PCBP2: variants seen among roughly 807,000 people sequenced by gnomAD.
PCBP2 encodes poly(rC)-binding protein 2.
A neutral mutation model predicts 50.1 loss-of-function variants in PCBP2; 4 were observed. The observed-to-expected ratio is 0.08, with a 90% CI of 0.04 to 0.18. The LOEUF (loss-of-function observed/expected upper bound fraction) is 0.18, where lower values mean the gene tolerates loss of function less well. Among genes scored for constraint, PCBP2 ranks in the 10% least tolerant of loss-of-function variants. The pLI, the probability that PCBP2 is intolerant of heterozygous loss-of-function variation, is 1.00. For synonymous variants in PCBP2, 179 were observed against 168.0 expected (o/e 1.07, Z -0.51); for missense variants, 161 against 474.3 (o/e 0.34, Z 6.14).
intron 2 of PCBP2, 34 bp from the exon 3 acceptor site, chr12:53,455,313 T>C (rs1940921263): frequency 6.3e-7 from 1 of 1,598,626 alleles, no homozygotes. Context: ...ACTTCTGAGT[T>C]TCCTCTTACT....
At chr12:53,479,287 A>T in intron 14 of PCBP2, 119 bp from the exon 15 acceptor site, 3 of 854,100 alleles carry the variant, frequency 3.5e-6, no homozygotes, top group Non-Finnish European at 5.9e-6. Flanking sequence ...GAAACCTTAA[A>T]ATGTCTCCCT....
At chr12:53,464,994 C>A in intron 9 of PCBP2, 142 bp downstream of exon 9, 1 of 1,070,862 alleles carries the variant, frequency 9.3e-7, no homozygotes, top group Non-Finnish European at 1.2e-6. Context: ...CTGACCCCCC[C>A]AACCTCATTT....
At chr12:53,456,140 TC>T in intron 5 of PCBP2, 139 bp downstream of exon 5, 1 of 658,436 alleles carries the variant, frequency 1.5e-6, no homozygotes, top group Non-Finnish European at 2.7e-6. Flanking sequence ...TCCTGTAGCC[TC>T]CCACAAAATT....
chr12:53,454,160 T>G (rs1940810879), intron 1 of PCBP2, among the ~76,000 whole-genome samples: 1 of 152,218 alleles, frequency 6.6e-6, no homozygotes, highest in Non-Finnish European at 1.5e-5. Context: ...TAATGCCTTT[T>G]CAGTGAGGGT....
At chr12:53,469,255 T>G (rs1245649234) in intron 13 of PCBP2, among the ~76,000 whole-genome samples, 1 of 152,100 alleles carries the variant, frequency 6.6e-6, no homozygotes, top group Non-Finnish European at 1.5e-5. Flanking sequence ...ATTTTATTAT[T>G]TTATCTTTAT....
chr12:53,467,893 A>T (rs898472719), intron 12 of PCBP2, 50 bp downstream of exon 12: 4 of 1,348,590 alleles, frequency 3.0e-6, no homozygotes, highest in Non-Finnish European at 4.3e-6. Flanking sequence ...TTATATTAAT[A>T]AACTGGTGGG....
chr12:53,471,529 T>C (rs1942234350), intron 13 of PCBP2, 109 bp from the exon 14 acceptor site: 1 of 1,023,502 alleles, frequency 9.8e-7, no homozygotes, highest in African/African-American at 2.0e-5. Context: ...ATCAGGCCAC[T>C]GCACTCCAGC....
At chr12:53,474,462 T>G (rs893688816) in intron 14 of PCBP2, among the ~76,000 whole-genome samples, 1 of 152,230 alleles carries the variant, frequency 6.6e-6, no homozygotes. Context: ...TGTGGGATAA[T>G]TGATTTTCTG....
intron 1 of PCBP2, among the ~76,000 whole-genome samples, chr12:53,453,742 A>G (rs1940761226): frequency 6.6e-6 from 1 of 152,190 alleles, no homozygotes. Context: ...ATTAGGTGCT[A>G]AAGGAGGTAT....
chr12:53,456,088 A>G, intron 5 of PCBP2, 87 bp downstream of exon 5: 2 of 821,406 alleles, frequency 2.4e-6, no homozygotes, highest in Non-Finnish European at 4.2e-6. Flanking sequence ...AAATTCAAGG[A>G]CACACTGGAC....
chr12:53,467,178 C>G, intron 10 of PCBP2, 43 bp from the exon 11 acceptor site: 2 of 1,504,354 alleles, frequency 1.3e-6, no homozygotes, highest in Non-Finnish European at 9.2e-7. Flanking sequence ...AGCCCTGGCT[C>G]TGTTAAATCT....
At position 53,468,917 on chromosome 12, in the gene PCBP2, C is replaced by CTTTTTTTTTTTT. The variant is rs5798266; in HGVS notation, c.882+93_882+104dup. On this transcript the variant is annotated intron_variant, in intron 13 of 14. Transcript: ENST00000546463. ...GTCGTTTCAGCAGTGTCCTGCTACC[C>CTTTTTTTTTTTT]TTTTTTTTTTTTTTTTTTTAAACAG... The CTTTTTTTTTTTT allele has an allele frequency of 1.2e-5, 7 of 574,574 alleles. No individual in the cohort carries two copies. In the African/African-American group the frequency reaches 1.3e-4, roughly 11 times the overall value. 35.6% of individuals were successfully genotyped at this position (574,574 alleles called of 1,614,324 possible).
In PCBP2 at chr12:53,481,108, C is replaced by CATAT. The variant is rs146607300; in HGVS notation, c.*1679_*1682dup. 1.1e-4 allele frequency: 66 copies of CATAT among 580,696 alleles called. No homozygotes were observed. The highest frequency in any genetic ancestry group is 1.2e-4 in the Non-Finnish European group (50 of 428,850). The allele number at this position is 580,696 out of a possible 1,614,324, so 36.0% of individuals were successfully genotyped here. On this transcript the variant is annotated 3_prime_UTR_variant, in exon 15 of 15. Coordinates refer to ENST00000546463, the MANE Select transcript of PCBP2 (RefSeq NM_031989.5). Reference sequence around the variant, plus strand: ...CCATCTTTCTGTTGATTATGTGGCGCATATATATATATATATGTATATATA... The same window carrying CATAT: ...CCATCTTTCTGTTGATTATGTGGCGCATATATATATATATATATATGTATATATA...
rs888183693 is a variant in PCBP2, at chr12:53,463,985, C to T, written c.580-775C>T. Among the ~76,000 whole-genome samples, 10 of 152,112 alleles carry T rather than the reference C, an allele frequency of 6.6e-5. No homozygotes were observed. In the South Asian group the frequency reaches 2.1e-3, roughly 32 times the overall value. On this transcript the variant is annotated intron_variant, in intron 8 of 14. Transcript: ENST00000546463. ...GGTTTCACAGGAAGGTCGGTTATGT[C>T]ACAGTGTTAACCTTGAGTCAGTTTA...
intron 14 of PCBP2, among the ~76,000 whole-genome samples, chr12:53,474,687 AT>A (rs1379177607): frequency 6.6e-6 from 1 of 152,136 alleles, no homozygotes; most frequent in East Asian, 1.9e-4. Context: ...AAATATACAT[AT>A]TTAGAGGGTG....
rs749400833 is a variant in PCBP2 at position 53,462,539 on chromosome 12, G to A, written c.551G>A (p.Ser184Asn). Residue 184 changes from serine (S) to asparagine (N), a missense_variant, in exon 8 of 15, where the codon AGC becomes AAC. By Grantham distance (46) the Ser-to-Asn change is conservative. Coordinates refer to ENST00000546463, the MANE Select transcript of PCBP2 (RefSeq NM_031989.5). ...VTIPYRPKPS[S>N]SPVIFAGGQD... ...ATCCCGTACCGGCCCAAGCCGTCCAGCTCTCCGGTCATCTTTGCAGGTGGT... is the reference window on the plus strand; with the variant it reads ...ATCCCGTACCGGCCCAAGCCGTCCAACTCTCCGGTCATCTTTGCAGGTGGT... 1 of 1,613,456 alleles carries A rather than the reference G, an allele frequency of 6.2e-7. No homozygotes were observed. The highest frequency in any genetic ancestry group is 1.3e-5 in the African/African-American group (1 of 74,908).
intron 9 of PCBP2, among the ~76,000 whole-genome samples, chr12:53,465,636 T>G (rs1308106894): frequency 6.6e-6 from 1 of 152,186 alleles, no homozygotes; most frequent in Non-Finnish European, 1.5e-5. Flanking sequence ...GTCGAGGCAT[T>G]GCTAATCTCA....
intron 14 of PCBP2, among the ~76,000 whole-genome samples, chr12:53,477,900 A>G (rs1169602546): frequency 6.6e-6 from 1 of 152,168 alleles, no homozygotes; most frequent in African/African-American, 2.4e-5. Context: ...TAATCAGTTT[A>G]AAATCTTATG....
At chr12:53,458,824 A>T (rs1229032581) in intron 5 of PCBP2, among the ~76,000 whole-genome samples, 2 of 151,670 alleles carry the variant, frequency 1.3e-5, no homozygotes, top group Non-Finnish European at 2.9e-5. Context: ...TTTTTAGTGG[A>T]GACGGGGTCT....
Sources: gnomAD v4.1 joint callset for allele counts (sites outside exome capture counted in the v4.1 genomes callset) on GRCh38, gnomAD v4.1.1 for gene constraint, MANE v1.5 for transcripts, NCBI Gene and HGNC (gene_info 2026-07-23, HGNC 2026-07-21) for gene names.